Variants in ADCY2 observed in about 807,000 individuals in gnomAD.
The protein encoded by ADCY2 is adenylate cyclase 2, also known as adenylate cyclase type 2.
A neutral mutation model predicts 125.2 loss-of-function variants in ADCY2; 31 were observed. The observed-to-expected ratio is 0.25, with a 90% CI of 0.19 to 0.33. The LOEUF is 0.33. ADCY2 is among the 10% of genes least tolerant of loss of function. The pLI, the probability that ADCY2 is intolerant of heterozygous loss-of-function variation, is 1.00. For missense variants in ADCY2, 904 were observed against 1,418.2 expected, an observed-to-expected ratio of 0.64 and a Z score of 5.82; for synonymous variants, 512 against 548.4, an observed-to-expected ratio of 0.93 and a Z score of 0.93.
At chr5:7,460,429 A>G (rs1579465679) in intron 2 of ADCY2, among the ~76,000 whole-genome samples, 1 of 152,232 alleles carries the variant, frequency 6.6e-6, no homozygotes, top group East Asian at 1.9e-4. Flanking sequence ...TGCTGCCAAC[A>G]TACACTAGGC....
In ADCY2 at chr5:7,671,875, C is replaced by T. The variant is rs543810421; in HGVS notation, c.721-18816C>T. Among the ~76,000 whole-genome samples the T allele has an allele frequency of 6.4e-4, 98 of 152,208 alleles. 2 individuals are homozygous for T. In the South Asian group the frequency reaches 9.3e-3, roughly 14 times the overall value. ...AAGAAAGATATTCAGAGTGTTAGTC[C>T]GGCCCCTTCATTTTCAGGTGAGGAA... On this transcript the variant is annotated intron_variant, in intron 4 of 24. Transcript: ENST00000338316.
At chr5:7,520,963 G>A in intron 3 of ADCY2, 64 bp downstream of exon 3, 1 of 1,592,014 alleles carries the variant, frequency 6.3e-7, no homozygotes, top group South Asian at 1.1e-5. Flanking sequence ...TGAGGCAGGT[G>A]CTGCTGGCCC....
At chr5:7,526,519 C>A (rs1734468304) in intron 3 of ADCY2, among the ~76,000 whole-genome samples, 1 of 152,042 alleles carries the variant, frequency 6.6e-6, no homozygotes, top group South Asian at 2.1e-4. Flanking sequence ...TGAGGGCTAC[C>A]TTAAGTACCC....
intron 2 of ADCY2, among the ~76,000 whole-genome samples, chr5:7,453,005 T>C (rs1010199016): frequency 3.9e-5 from 6 of 152,240 alleles, no homozygotes; most frequent in African/African-American, 1.4e-4. Context: ...ACTAGTCCTT[T>C]GTTGGATGCA....
At chr5:7,527,067 T>C (rs1734497232) in intron 3 of ADCY2, among the ~76,000 whole-genome samples, 1 of 152,186 alleles carries the variant, frequency 6.6e-6, no homozygotes, top group African/African-American at 2.4e-5. Flanking sequence ...TTGCTTACCA[T>C]CATATCAAGG....
chr5:7,725,068 C>T, intron 13 of ADCY2, among the ~76,000 whole-genome samples: 1 of 152,166 alleles, frequency 6.6e-6, no homozygotes. Flanking sequence ...TTTATTGCAT[C>T]CTTAATACTT....
chr5:7,630,331 A>G (rs1283800416), intron 4 of ADCY2, among the ~76,000 whole-genome samples: 1 of 152,184 alleles, frequency 6.6e-6, no homozygotes, highest in Non-Finnish European at 1.5e-5. Context: ...TATTGAATGC[A>G]TTTTATGGCT....
chr5:7,599,096 G>T (rs1046203384), intron 3 of ADCY2, among the ~76,000 whole-genome samples: 1 of 152,018 alleles, frequency 6.6e-6, no homozygotes, highest in Non-Finnish European at 1.5e-5. Context: ...GTAGATTTGT[G>T]CAGGGACAGC....
At chr5:7,498,273 G>C (rs1743418720) in intron 2 of ADCY2, among the ~76,000 whole-genome samples, 1 of 105,160 alleles carries the variant, frequency 9.5e-6, no homozygotes, top group Non-Finnish European at 1.8e-5. Flanking sequence ...TTTTAAGACA[G>C]AGTCTCGCTC....
intron 1 of ADCY2, among the ~76,000 whole-genome samples, chr5:7,399,944 C>G (rs148736845): frequency 0.014 from 2,077 of 152,128 alleles, 51 homozygotes; most frequent in African/African-American, 0.048. Flanking sequence ...TTCTTTTTCT[C>G]ATTTTTTTCT....
At chr5:7,732,563 T>G (rs548730473) in intron 14 of ADCY2, among the ~76,000 whole-genome samples, 12 of 152,348 alleles carry the variant, frequency 7.9e-5, no homozygotes, top group Non-Finnish European at 1.0e-4. Context: ...TCTCATCTCT[T>G]TAAAGAAACC....
chr5:7,628,821 T>TA (rs199913255), intron 4 of ADCY2, among the ~76,000 whole-genome samples: 112 of 144,520 alleles, frequency 7.7e-4, no homozygotes, highest in East Asian at 6.5e-3. Flanking sequence ...TTATCTTGGT[T>TA]TAAAAAAAAA....
At chr5:7,580,748 A>G (rs77210871) in intron 3 of ADCY2, among the ~76,000 whole-genome samples, 12,345 of 152,274 alleles carry the variant, frequency 0.081, 714 homozygotes, top group Non-Finnish European at 0.12. Context: ...ATGCCTGGCT[A>G]ACTAAATACA....
chr5:7,599,787 A>G (rs541771201), intron 3 of ADCY2, among the ~76,000 whole-genome samples: 1 of 152,330 alleles, frequency 6.6e-6, no homozygotes. Context: ...CTCAAAGTGC[A>G]GTATGGAAAG....
Position 7,420,532 on chromosome 5 carries a change from G to C in ADCY2, c.408+5762G>C, listed in dbSNP as rs576070493. 7.9e-5 allele frequency among the ~76,000 whole-genome samples: 12 copies of C among 152,280 alleles called. No homozygotes were observed. In the South Asian group the frequency reaches 2.5e-3, roughly 32 times the overall value. On this transcript the variant is annotated intron_variant, in intron 2 of 24. Coordinates refer to ENST00000338316, the MANE Select transcript of ADCY2 (RefSeq NM_020546.3). ...TTGCCCTCACAGGTTTTGACTGTAA[G>C]GGGTGGGGTTTTCCAAACGTCATTA... is the stretch of plus-strand genomic sequence containing the variant.
intron 3 of ADCY2, among the ~76,000 whole-genome samples, chr5:7,521,843 C>T (rs1188332061): frequency 6.6e-6 from 1 of 152,196 alleles, no homozygotes; most frequent in Non-Finnish European, 1.5e-5. Flanking sequence ...TCTCCTACTG[C>T]TTATCACATC....
chr5:7,442,518 C>T (rs1319531835), intron 2 of ADCY2, among the ~76,000 whole-genome samples: 2 of 152,106 alleles, frequency 1.3e-5, no homozygotes, highest in East Asian at 1.9e-4. Context: ...GGAGAGATAG[C>T]GTGTCTTTCT....
intron 4 of ADCY2, among the ~76,000 whole-genome samples, chr5:7,642,608 C>T (rs115284149): frequency 1.5e-3 from 222 of 152,134 alleles, no homozygotes; most frequent in Non-Finnish European, 2.6e-3. Context: ...AAGCTGATGT[C>T]CAGAATGCTG....
At chr5:7,410,685 G>A (rs1462163488) in intron 1 of ADCY2, among the ~76,000 whole-genome samples, 2 of 152,002 alleles carry the variant, frequency 1.3e-5, no homozygotes, top group Non-Finnish European at 2.9e-5. Context: ...TATATTTTAG[G>A]TAATATTAAA....
Sources: allele counts gnomAD v4.1 joint callset (sites outside exome capture counted in the v4.1 genomes callset), GRCh38; gene constraint gnomAD v4.1.1; transcripts MANE v1.5; gene names NCBI Gene and HGNC (gene_info 2026-07-23, HGNC 2026-07-21).